Variants in STK39 observed in about 807,000 individuals in gnomAD.
STK39 encodes serine/threonine kinase 39.
A neutral mutation model predicts 77.8 loss-of-function variants in STK39; 20 were observed. The observed-to-expected ratio is 0.26, with a 90% confidence interval of 0.18 to 0.37. STK39 has a LOEUF of 0.37. Among genes scored for constraint, STK39 ranks in the 10% least tolerant of loss-of-function variants. STK39 has a pLI of 1.00. For missense variants in STK39, 479 were observed against 656.5 expected (o/e 0.73, Z 2.95); for synonymous variants, 246 against 234.1 (o/e 1.05, Z -0.47).
intron 13 of STK39, among the ~76,000 whole-genome samples, chr2:168,064,178 T>C (rs1685736571): frequency 6.6e-6 from 1 of 152,176 alleles, no homozygotes; most frequent in African/African-American, 2.4e-5. Context: ...GAGCAAGCCA[T>C]TCTCTGAATA....
intron 14 of STK39, among the ~76,000 whole-genome samples, chr2:168,021,768 A>G (rs1168271300): frequency 7.2e-6 from 1 of 139,158 alleles, no homozygotes; most frequent in Non-Finnish European, 1.5e-5. Flanking sequence ...AAATACATAC[A>G]GAACTCAGAA....
intron 1 of STK39, among the ~76,000 whole-genome samples, chr2:168,241,144 T>C (rs1321583615): frequency 6.6e-6 from 1 of 152,208 alleles, no homozygotes; most frequent in Non-Finnish European, 1.5e-5. Context: ...TTTTGTTCTC[T>C]TTTGTCATTT....
At chr2:168,239,385 C>T (rs1393292124) in intron 1 of STK39, among the ~76,000 whole-genome samples, 2 of 152,180 alleles carry the variant, frequency 1.3e-5, no homozygotes, top group Non-Finnish European at 2.9e-5. Context: ...TCCTTTAATC[C>T]AGCCAGAAAG....
intron 1 of STK39, among the ~76,000 whole-genome samples, chr2:168,240,333 A>G (rs76595768): frequency 0.016 from 2,423 of 152,360 alleles, 78 homozygotes; most frequent in African/African-American, 0.056. Context: ...GAGCAACGTG[A>G]TCAAGAATTT....
At chr2:168,144,294 T>C (rs1688074302) in intron 5 of STK39, among the ~76,000 whole-genome samples, 1 of 152,038 alleles carries the variant, frequency 6.6e-6, no homozygotes, top group Admixed American at 6.6e-5. Flanking sequence ...TATTTAGGCC[T>C]ATTTTTATTT....
chr2:168,192,745 A>G (rs1285644167), intron 1 of STK39, among the ~76,000 whole-genome samples: 1 of 152,250 alleles, frequency 6.6e-6, no homozygotes, highest in Non-Finnish European at 1.5e-5. Flanking sequence ...GTACATGTCT[A>G]GCACTGAAGT....
chr2:168,096,942 C>T (rs1397948003), intron 10 of STK39, among the ~76,000 whole-genome samples: 5 of 151,990 alleles, frequency 3.3e-5, no homozygotes, highest in African/African-American at 1.2e-4. Flanking sequence ...TATAAACGTG[C>T]CCAAAATACT....
In STK39 at chr2:167,954,277, C is replaced by T. The variant is rs902592513; in HGVS notation, c.*1219G>A. The T allele has an allele frequency of 1.3e-5, 2 of 152,512 alleles. No homozygotes were observed. Among genetic ancestry groups the T allele is most frequent in the Non-Finnish European group, 2.9e-5 (2 of 68,022 alleles). 9.4% of individuals were successfully genotyped at this position (152,512 alleles called of 1,614,324 possible). On this transcript the variant is annotated 3_prime_UTR_variant, in exon 18 of 18. Coordinates refer to ENST00000355999, the MANE Select transcript of STK39 (RefSeq NM_013233.3). ...GCAATGGTACCATCCTGGGAGCCCA[C>T]CTCCTTGAAAGATTAGACTCCAATT...
intron 8 of STK39, among the ~76,000 whole-genome samples, chr2:168,136,102 C>T (rs1653304394): frequency 6.6e-6 from 1 of 151,522 alleles, no homozygotes; most frequent in African/African-American, 2.4e-5. Flanking sequence ...GGTGCGGTAG[C>T]TCATGCCTGT....
Position 168,079,408 on chromosome 2 carries a change from C to A in STK39, c.1090-4177G>T, listed in dbSNP as rs1050597592. ...CCCCTGGCCAGATGAACCTTCCTATCCAATCCACACTTGAAAAGCAAGCCC... is the reference window on the plus strand; with the variant it reads ...CCCCTGGCCAGATGAACCTTCCTATACAATCCACACTTGAAAAGCAAGCCC... On this transcript the variant is annotated intron_variant, in intron 10 of 17. Coordinates refer to ENST00000355999, the MANE Select transcript of STK39 (RefSeq NM_013233.3). 2.6e-5 allele frequency among the ~76,000 whole-genome samples: 4 copies of A among 152,202 alleles called. 1 individual carries two copies. The highest frequency in any genetic ancestry group is 6.3e-3 in the Middle Eastern group (2 of 316).
chr2:168,129,858 A>G, intron 8 of STK39, 100 bp from the exon 9 acceptor site: 1 of 1,335,616 alleles, frequency 7.5e-7, no homozygotes, highest in Non-Finnish European at 1.1e-6. Context: ...CTGGAAGACC[A>G]ATTTTAGTAA....
At position 168,247,286 on chromosome 2, in the gene STK39, C is replaced by CACCGGG. The variant is rs1553465650; in HGVS notation, c.149_150insCCCGGT (p.Ala50_Ala51insProVal). On this transcript the variant is annotated inframe_insertion, in exon 1 of 18. Coordinates refer to ENST00000355999, the MANE Select transcript of STK39 (RefSeq NM_013233.3). ...AGATGGGCCAGCCGACAGCCTGTGC[C>CACCGGG]GCCGGGGCCGGGGCCGGGGCCGGGG... 7.9e-6 allele frequency: 8 copies of CACCGGG among 1,007,028 alleles called. No homozygotes were observed. Among genetic ancestry groups the CACCGGG allele is most frequent in the Non-Finnish European group, 9.6e-6 (8 of 834,326 alleles). 62.4% of individuals were successfully genotyped at this position (1,007,028 alleles called of 1,614,324 possible).
intron 10 of STK39, among the ~76,000 whole-genome samples, chr2:168,091,723 G>A (rs1203880055): frequency 6.6e-6 from 1 of 151,838 alleles, no homozygotes. Context: ...AATGCATAAG[G>A]TGAAAATAGG....
chr2:168,140,615 G>A, intron 6 of STK39, 34 bp downstream of exon 6: 3 of 1,505,302 alleles, frequency 2.0e-6, no homozygotes, highest in African/African-American at 1.4e-5. Context: ...ATTGTACTAT[G>A]TCCATCAAAA....
chr2:168,130,717 C>T (rs1271263598), intron 8 of STK39, among the ~76,000 whole-genome samples: 3 of 152,220 alleles, frequency 2.0e-5, no homozygotes, highest in African/African-American at 4.8e-5. Context: ...TAGCAGAATA[C>T]TGAGTTCCTA....
intron 1 of STK39, among the ~76,000 whole-genome samples, chr2:168,213,946 C>T (rs889749086): frequency 2.0e-5 from 3 of 152,048 alleles, no homozygotes; most frequent in Admixed American, 6.6e-5. Context: ...ATGGTATATA[C>T]GAATAGTAGA....
At chr2:168,094,714 T>C (rs914275354) in intron 10 of STK39, among the ~76,000 whole-genome samples, 3 of 152,094 alleles carry the variant, frequency 2.0e-5, no homozygotes, top group African/African-American at 7.2e-5. Flanking sequence ...CCCCCAGGAC[T>C]CCCCAGGGCT....
chr2:168,213,859 GTTCCT>G (rs1206802910), intron 1 of STK39, among the ~76,000 whole-genome samples: 1 of 151,952 alleles, frequency 6.6e-6, no homozygotes, highest in Non-Finnish European at 1.5e-5. Context: ...AATCCTTAAT[GTTCCT>G]TTCAATATGG....
At chr2:168,013,427 G>A (rs576438820) in intron 15 of STK39, among the ~76,000 whole-genome samples, 2 of 152,340 alleles carry the variant, frequency 1.3e-5, no homozygotes, top group South Asian at 4.1e-4. Flanking sequence ...TCTATCTGAA[G>A]GCTTTGTAAA....
Sources: allele counts gnomAD v4.1 joint callset (sites outside exome capture counted in the v4.1 genomes callset), GRCh38; gene constraint gnomAD v4.1.1; transcripts MANE v1.5; gene names NCBI Gene and HGNC (gene_info 2026-07-23, HGNC 2026-07-21).